TBXAS1: variants seen among roughly 807,000 people sequenced by gnomAD.
The protein encoded by TBXAS1 is thromboxane-A synthase.
A neutral mutation model predicts 60.7 loss-of-function variants in TBXAS1; 48 were observed. The ratio of observed to expected loss-of-function variants is 0.79; its 90% confidence interval spans 0.63 to 1.01. The LOEUF is 1.01. TBXAS1 is among the 50% of genes least tolerant of loss of function. TBXAS1 has a pLI of 0.00. For missense variants in TBXAS1, 685 were observed against 686.3 expected, an observed-to-expected ratio of 1.00 and a Z score of 0.02; for synonymous variants, 287 against 269.7, an observed-to-expected ratio of 1.06 and a Z score of -0.63.
At chr7:139,933,942 A>G (rs1447168554) in intron 4 of TBXAS1, among the ~76,000 whole-genome samples, 2 of 152,132 alleles carry the variant, frequency 1.3e-5, no homozygotes, top group Non-Finnish European at 2.9e-5. Context: ...TTTTAGAAAG[A>G]AACAGAATGG....
At chr7:139,867,110 G>A (rs755806435) in intron 1 of TBXAS1, among the ~76,000 whole-genome samples, 1 of 152,232 alleles carries the variant, frequency 6.6e-6, no homozygotes, top group African/African-American at 2.4e-5. Context: ...GAGTAACCAT[G>A]GCAAAGGGCC....
intron 1 of TBXAS1, among the ~76,000 whole-genome samples, chr7:139,842,619 T>G (rs1427204762): frequency 6.6e-6 from 1 of 152,256 alleles, no homozygotes; most frequent in African/African-American, 2.4e-5. Context: ...AAGAGCCACA[T>G]CTTTCCTGGT....
At chr7:139,928,997 G>T (rs1480591129) in intron 4 of TBXAS1, among the ~76,000 whole-genome samples, 1 of 152,136 alleles carries the variant, frequency 6.6e-6, no homozygotes, top group African/African-American at 2.4e-5. Flanking sequence ...GTTGGAGAGG[G>T]ATCTAGAGTT....
intron 10 of TBXAS1, among the ~76,000 whole-genome samples, chr7:140,012,794 C>T (rs757346171): frequency 1.3e-5 from 2 of 152,148 alleles, no homozygotes; most frequent in African/African-American, 2.4e-5. Flanking sequence ...GTGCTCAACA[C>T]TCGAAGTCCA....
Position 139,876,633 on chromosome 7 carries a change from A to G in TBXAS1, c.236+996A>G, listed in dbSNP as rs186928690. Among the ~76,000 whole-genome samples the G allele has an allele frequency of 8.2e-4, 125 of 152,212 alleles. 1 individual carries two copies. The highest frequency in any genetic ancestry group is 3.0e-3 in the African/African-American group (123 of 41,534). On this transcript the variant is annotated intron_variant, in intron 3 of 12. Coordinates refer to ENST00000448866, the MANE Select transcript of TBXAS1 (RefSeq NM_001061.7). The stretch of plus-strand genomic sequence containing the variant: ...TGAAAGGGATTGGCTTGTCCTCTTT[A>G]TGGAAATGGCCCCTCCTAGGAAGCC...
At chr7:139,857,702 G>C (rs1301720744) in intron 1 of TBXAS1, among the ~76,000 whole-genome samples, 1 of 151,466 alleles carries the variant, frequency 6.6e-6, no homozygotes, top group Non-Finnish European at 1.5e-5. Context: ...TCCTGGGATT[G>C]GCTGGCTGGA....
chr7:139,829,990 T>G (rs1054837798), intron 1 of TBXAS1, among the ~76,000 whole-genome samples: 2 of 152,078 alleles, frequency 1.3e-5, no homozygotes, highest in African/African-American at 2.4e-5. Context: ...TAATTTCTCA[T>G]AGTTGATAGA....
chr7:139,845,084 C>T (rs1799709425), intron 1 of TBXAS1, among the ~76,000 whole-genome samples: 1 of 152,190 alleles, frequency 6.6e-6, no homozygotes, highest in Non-Finnish European at 1.5e-5. Flanking sequence ...AAGTGTTCCT[C>T]TCTCTATCTG....
intron 9 of TBXAS1, among the ~76,000 whole-genome samples, chr7:139,986,571 C>T (rs548262901): frequency 6.6e-6 from 1 of 151,634 alleles, no homozygotes; most frequent in African/African-American, 2.4e-5. Context: ...TATGCCTTTG[C>T]ATCCTCATAG....
chr7:139,930,575 C>T (rs1026466933), intron 4 of TBXAS1, among the ~76,000 whole-genome samples: 2 of 152,292 alleles, frequency 1.3e-5, no homozygotes, highest in East Asian at 3.9e-4. Flanking sequence ...TCCTGGCAAG[C>T]CCAAAGTAGC....
At chr7:139,826,603 G>A (rs148094861), upstream of TBXAS1, among the ~76,000 whole-genome samples, 25 of 152,140 alleles carry the variant, frequency 1.6e-4, no homozygotes, top group East Asian at 4.8e-3. Context: ...ATAATCTTTC[G>A]AGGAAGAGCA....
chr7:139,801,737 G>T (rs1218453278), intron 4 of TBXAS1, among the ~76,000 whole-genome samples: 1 of 151,978 alleles, frequency 6.6e-6, no homozygotes, highest in African/African-American at 2.4e-5. Context: ...CACTGTGGTT[G>T]CTAAGTTTAT....
intron 4 of TBXAS1, among the ~76,000 whole-genome samples, chr7:139,799,429 G>A (rs915607999): frequency 3.3e-5 from 5 of 152,018 alleles, no homozygotes; most frequent in Non-Finnish European, 5.9e-5. Context: ...TGGGGTTTCA[G>A]CGTGTTGCCC....
intron 3 of TBXAS1, among the ~76,000 whole-genome samples, chr7:139,883,897 A>G (rs191689202): frequency 1.2e-3 from 181 of 152,390 alleles, no homozygotes; most frequent in Non-Finnish European, 2.2e-3. Context: ...TGTAAAAAAT[A>G]AAACATTTAC....
rs181022787 is a variant in TBXAS1, at chr7:139,886,201, C to T, written c.236+10564C>T. ...TTGATTATTCTTCGTATCTCAAGAC[C>T]GTGCTCCTAACAACCTCTCCTCCAT... On this transcript the variant is annotated intron_variant, in intron 3 of 12. Coordinates refer to ENST00000448866, the MANE Select transcript of TBXAS1 (RefSeq NM_001061.7). Among the ~76,000 whole-genome samples, 418 of 152,174 alleles carry T rather than the reference C, an allele frequency of 2.7e-3. 1 individual carries two copies. The highest frequency in any genetic ancestry group is 4.7e-3 in the Non-Finnish European group (323 of 68,002).
At position 139,967,167 on chromosome 7, in the gene TBXAS1, G is replaced by A. The variant is rs1259170562; in HGVS notation, c.1134+4934G>A. ...AGCTTCCATGCCTTCCCCAGTGTCC[G>A]CCCAGCCTATGGGAAACACACAACT... On this transcript the variant is annotated intron_variant, in intron 9 of 12. Coordinates refer to ENST00000448866, the MANE Select transcript of TBXAS1 (RefSeq NM_001061.7). Among the ~76,000 whole-genome samples, 6 of 152,316 alleles carry A rather than the reference G, an allele frequency of 3.9e-5. No individual in the cohort carries two copies. The East Asian group carries it at 7.7e-4, about 20-fold the overall frequency.
chr7:139,842,647 T>C (rs1341517964), intron 1 of TBXAS1, among the ~76,000 whole-genome samples: 1 of 152,262 alleles, frequency 6.6e-6, no homozygotes, highest in Non-Finnish European at 1.5e-5. Context: ...AAATAGGTGC[T>C]GTTGCACAAC....
rs10272497 is a variant in TBXAS1, at chr7:139,972,984, C to T, written c.1134+10751C>T. On this transcript the variant is annotated intron_variant, in intron 9 of 12. Coordinates refer to ENST00000448866, the MANE Select transcript of TBXAS1 (RefSeq NM_001061.7). ...CACAGTAGATAAAGCCTGTGAGTTA[C>T]TGCGCCCAGCGAGAAAGGGGTCGGT... 6.9e-3 allele frequency among the ~76,000 whole-genome samples: 1,048 copies of T among 152,198 alleles called. 14 individuals are homozygous for T. The highest frequency in any genetic ancestry group is 0.023 in the African/African-American group (974 of 41,516).
At chr7:139,972,849 C>T (rs1048185274) in intron 9 of TBXAS1, among the ~76,000 whole-genome samples, 1 of 152,168 alleles carries the variant, frequency 6.6e-6, no homozygotes, top group African/African-American at 2.4e-5. Flanking sequence ...CAGGGCCGAG[C>T]ACAGTGCCTG....
Sources: gnomAD v4.1 joint callset for allele counts (sites outside exome capture counted in the v4.1 genomes callset) on GRCh38, gnomAD v4.1.1 for gene constraint, MANE v1.5 for transcripts, NCBI Gene and HGNC (gene_info 2026-07-23, HGNC 2026-07-21) for gene names.